Variants in ARHGEF28 observed in about 807,000 individuals in gnomAD.
ARHGEF28 encodes 190 kDa guanine nucleotide exchange factor.
ARHGEF28 carries 152 observed loss-of-function variants against 206.6 expected under a neutral mutation model. The observed-to-expected ratio is 0.74, with a 90% CI of 0.64 to 0.84. ARHGEF28 has a LOEUF of 0.84. Ranked by LOEUF, ARHGEF28 falls within the 40% of genes least tolerant of loss-of-function variation. The pLI, the probability that ARHGEF28 is intolerant of heterozygous loss-of-function variation, is 0.00. For missense variants in ARHGEF28, 2,028 were observed against 2,073.2 expected, an observed-to-expected ratio of 0.98 and a Z score of 0.42; for synonymous variants, 763 against 776.4, an observed-to-expected ratio of 0.98 and a Z score of 0.29.
At chr5:73,821,149 T>C (rs1466532337) in intron 9 of ARHGEF28, among the ~76,000 whole-genome samples, 1 of 151,928 alleles carries the variant, frequency 6.6e-6, no homozygotes, top group South Asian at 2.1e-4. Flanking sequence ...TCGGAGTTGC[T>C]CAGGATAATG....
chr5:73,845,955 T>G (rs1229477419), intron 11 of ARHGEF28, among the ~76,000 whole-genome samples: 1 of 120,962 alleles, frequency 8.3e-6, no homozygotes, highest in Non-Finnish European at 1.6e-5. Context: ...GTCACTGCAC[T>G]CCAGCCTAGG....
intron 35 of ARHGEF28, among the ~76,000 whole-genome samples, chr5:73,934,724 G>A (rs1442796894): frequency 6.6e-6 from 1 of 152,178 alleles, no homozygotes. Flanking sequence ...CTGCATACTG[G>A]TTTTTGCTCT....
At chr5:73,780,870 T>C in intron 7 of ARHGEF28, 125 bp downstream of exon 7, 1 of 981,690 alleles carries the variant, frequency 1.0e-6, no homozygotes, top group South Asian at 1.5e-5. Context: ...AGATCAGGGG[T>C]GTGGGATACA....
At chr5:73,743,662 C>T (rs986584791) in intron 2 of ARHGEF28, among the ~76,000 whole-genome samples, 5 of 129,244 alleles carry the variant, frequency 3.9e-5, no homozygotes, top group Admixed American at 7.1e-5. Context: ...TGCTTCAAAT[C>T]AGATCAGGGG....
intron 7 of ARHGEF28, among the ~76,000 whole-genome samples, chr5:73,781,173 G>C (rs1237226639): frequency 6.6e-6 from 1 of 152,060 alleles, no homozygotes; most frequent in Admixed American, 6.6e-5. Context: ...TTGTCATCAC[G>C]AGGGTCGGGG....
chr5:73,903,586 C>T lies in ARHGEF28; in HGVS notation c.4075-636C>T, dbSNP rs539449636. On this transcript the variant is annotated intron_variant, in intron 31 of 35. Transcript: ENST00000513042. ...AGGCATAGACCCTCTCCCTAAAGAA[C>T]AGACGGTCTCCTGTGGCTGGTTCGT... 3 of 153,146 alleles carry T rather than the reference C, an allele frequency of 2.0e-5. No homozygotes were observed. In the South Asian group the frequency reaches 6.2e-4, roughly 31 times the overall value. 9.5% of individuals were successfully genotyped at this position (153,146 alleles called of 1,614,324 possible). A position where few individuals can be genotyped will look rare whatever the true frequency, so the allele number is the denominator to read the frequency against.
chr5:73,784,199 TGCTTTTC>T (rs1206456030), intron 7 of ARHGEF28, among the ~76,000 whole-genome samples: 127 of 152,140 alleles, frequency 8.3e-4, no homozygotes, highest in African/African-American at 3.0e-3. Context: ...TAGTAGATTA[TGCTTTTC>T]TGTCCCCTCT....
At chr5:73,887,964 G>A (rs755016953) in intron 26 of ARHGEF28, among the ~76,000 whole-genome samples, 1 of 152,188 alleles carries the variant, frequency 6.6e-6, no homozygotes, top group Non-Finnish European at 1.5e-5. Flanking sequence ...TGGTGAACAG[G>A]CATTGCCCTG....
chr5:73,880,435 T>C (rs189189413), intron 22 of ARHGEF28, among the ~76,000 whole-genome samples: 1 of 152,284 alleles, frequency 6.6e-6, no homozygotes, highest in Admixed American at 6.5e-5. Context: ...CTGCACCCAC[T>C]GTCCTGCGCC....
intron 2 of ARHGEF28, among the ~76,000 whole-genome samples, chr5:73,695,225 G>A (rs367627575): frequency 4.6e-5 from 7 of 152,308 alleles, no homozygotes; most frequent in African/African-American, 1.4e-4. Context: ...GGAGTTGCAT[G>A]ATTTGATTTA....
chr5:73,780,647 TTG>T, intron 6 of ARHGEF28, 27 bp from the exon 7 acceptor site: 7 of 1,514,456 alleles, frequency 4.6e-6, no homozygotes, highest in Non-Finnish European at 6.2e-6. Flanking sequence ...CTGTGCTTTT[TTG>T]TTTTTTTTTT....
chr5:73,862,146 T>C (rs2112621403), intron 16 of ARHGEF28, among the ~76,000 whole-genome samples: 1 of 152,336 alleles, frequency 6.6e-6, no homozygotes, highest in South Asian at 2.1e-4. Flanking sequence ...TCTATAAAAT[T>C]ACCCTTGCTT....
At chr5:73,672,946 C>G (rs1236081087) in intron 1 of ARHGEF28, among the ~76,000 whole-genome samples, 1 of 152,194 alleles carries the variant, frequency 6.6e-6, no homozygotes, top group Admixed American at 6.5e-5. Flanking sequence ...ATCCCCACAA[C>G]CACCATTAGT....
chr5:73,879,987 A>AG (rs1208565881), intron 22 of ARHGEF28, among the ~76,000 whole-genome samples: 1 of 152,158 alleles, frequency 6.6e-6, no homozygotes, highest in Admixed American at 6.5e-5. Flanking sequence ...AAGTCTGCAG[A>AG]GTTACTGCTG....
intron 35 of ARHGEF28, among the ~76,000 whole-genome samples, chr5:73,920,586 T>C (rs913838939): frequency 7.0e-6 from 1 of 143,742 alleles, no homozygotes; most frequent in African/African-American, 2.5e-5. Flanking sequence ...GTCTCACTCT[T>C]TCGCCCAAGC....
intron 35 of ARHGEF28, among the ~76,000 whole-genome samples, chr5:73,927,340 C>T (rs1428756404): frequency 1.3e-5 from 2 of 152,154 alleles, no homozygotes; most frequent in African/African-American, 4.8e-5. Flanking sequence ...CACTGCACTC[C>T]AGTTTTTGTG....
At chr5:73,712,537 G>A (rs1009328828) in intron 2 of ARHGEF28, among the ~76,000 whole-genome samples, 4 of 152,126 alleles carry the variant, frequency 2.6e-5, no homozygotes, top group Admixed American at 1.3e-4. Flanking sequence ...ATATCTTGTC[G>A]CTAAAGCTGT....
At chr5:73,744,135 G>A (rs1241799855) in intron 2 of ARHGEF28, among the ~76,000 whole-genome samples, 2 of 152,146 alleles carry the variant, frequency 1.3e-5, no homozygotes, top group Non-Finnish European at 2.9e-5. Context: ...TAGATAATAT[G>A]TATAAGTAGT....
intron 2 of ARHGEF28, among the ~76,000 whole-genome samples, chr5:73,731,090 T>A (rs1188834471): frequency 6.6e-6 from 1 of 152,160 alleles, no homozygotes; most frequent in Non-Finnish European, 1.5e-5. Flanking sequence ...ATAATCCATT[T>A]TTAGTAACTG....
Sources: allele counts gnomAD v4.1 joint callset (sites outside exome capture counted in the v4.1 genomes callset), GRCh38; gene constraint gnomAD v4.1.1; transcripts MANE v1.5; gene names NCBI Gene and HGNC (gene_info 2026-07-23, HGNC 2026-07-21).